The following PTPRM variants were observed in gnomAD, a reference collection of about 807,000 sequenced individuals.
PTPRM encodes the protein receptor-type tyrosine-protein phosphatase mu.
PTPRM carries 47 observed loss-of-function variants against 186.7 expected under a neutral mutation model. That is an observed-to-expected ratio of 0.25 (90% CI 0.20 to 0.32). PTPRM has a LOEUF of 0.32. Among genes scored for constraint, PTPRM ranks in the 10% least tolerant of loss-of-function variants. The pLI, the probability that PTPRM is intolerant of heterozygous loss-of-function variation, is 1.00. For missense variants in PTPRM, 1,494 were observed against 1,865.0 expected (o/e 0.80, Z 3.66); for synonymous variants, 668 against 674.9 (o/e 0.99, Z 0.16).
chr18:7,801,910 A>G (rs965380835), intron 2 of PTPRM, among the ~76,000 whole-genome samples: 21 of 152,252 alleles, frequency 1.4e-4, no homozygotes, highest in Admixed American at 1.3e-3. Flanking sequence ...ACCATTGAAC[A>G]TGAAACCTGG....
chr18:7,602,997 G>C (rs931870573), intron 1 of PTPRM, among the ~76,000 whole-genome samples: 2 of 150,790 alleles, frequency 1.3e-5, no homozygotes, highest in African/African-American at 2.4e-5. Flanking sequence ...TTGTGATCTC[G>C]GCTCGCTACA....
At chr18:8,103,848 T>G (rs1349422134) in intron 11 of PTPRM, among the ~76,000 whole-genome samples, 6 of 152,224 alleles carry the variant, frequency 3.9e-5, no homozygotes, top group Non-Finnish European at 7.3e-5. Context: ...TGCTTAATAA[T>G]TTCCGGCTTT....
At chr18:8,270,960 T>C (rs959916707) in intron 19 of PTPRM, among the ~76,000 whole-genome samples, 3 of 152,132 alleles carry the variant, frequency 2.0e-5, no homozygotes, top group Admixed American at 1.3e-4. Flanking sequence ...ATTATACTTA[T>C]TACATACTTG....
chr18:7,576,003 G>A (rs1041527966), intron 1 of PTPRM, among the ~76,000 whole-genome samples: 2 of 152,290 alleles, frequency 1.3e-5, no homozygotes, highest in Middle Eastern at 3.4e-3. Flanking sequence ...GGGCTAGCAG[G>A]GGTTGGAAAT....
At chr18:8,131,035 T>C (rs923898138) in intron 13 of PTPRM, among the ~76,000 whole-genome samples, 12 of 152,202 alleles carry the variant, frequency 7.9e-5, no homozygotes, top group African/African-American at 2.7e-4. Context: ...TTTGTTGTTG[T>C]TACTCTAATA....
chr18:7,848,379 C>T (rs1204648073), intron 2 of PTPRM, among the ~76,000 whole-genome samples: 1 of 152,256 alleles, frequency 6.6e-6, no homozygotes, highest in Non-Finnish European at 1.5e-5. Flanking sequence ...AAAACTTATG[C>T]AAGAATAGGC....
chr18:7,881,358 C>G (rs925032283), intron 2 of PTPRM, among the ~76,000 whole-genome samples: 1 of 152,140 alleles, frequency 6.6e-6, no homozygotes, highest in Non-Finnish European at 1.5e-5. Flanking sequence ...TCACTTGAAC[C>G]CAGGAGGCAG....
intron 23 of PTPRM, among the ~76,000 whole-genome samples, chr18:8,370,645 G>A (rs1171621617): frequency 1.3e-5 from 2 of 152,144 alleles, no homozygotes; most frequent in African/African-American, 4.8e-5. Context: ...GATGTTTGTG[G>A]TAAAAATACA....
At chr18:7,578,879 G>T (rs534782495) in intron 1 of PTPRM, among the ~76,000 whole-genome samples, 1 of 152,162 alleles carries the variant, frequency 6.6e-6, no homozygotes, top group African/African-American at 2.4e-5. Flanking sequence ...AGAATAAGAC[G>T]GGTCCATCAG....
intron 1 of PTPRM, among the ~76,000 whole-genome samples, chr18:7,718,356 C>A (rs1054681614): frequency 1.3e-5 from 2 of 152,110 alleles, no homozygotes; most frequent in Non-Finnish European, 2.9e-5. Context: ...ACTGGTAAGC[C>A]ACATGTAGAA....
At chr18:8,214,872 A>C (rs2094058285) in intron 14 of PTPRM, among the ~76,000 whole-genome samples, 1 of 152,182 alleles carries the variant, frequency 6.6e-6, no homozygotes, top group Non-Finnish European at 1.5e-5. Flanking sequence ...CATGTTGGCC[A>C]GGCTGGTCTC....
chr18:7,764,231 C>T (rs2041916833), intron 1 of PTPRM, among the ~76,000 whole-genome samples: 1 of 152,104 alleles, frequency 6.6e-6, no homozygotes, highest in South Asian at 2.1e-4. Flanking sequence ...GAATACAGTA[C>T]AACTCATTGA....
At chr18:7,619,156 T>C (rs1203494016) in intron 1 of PTPRM, among the ~76,000 whole-genome samples, 1 of 152,148 alleles carries the variant, frequency 6.6e-6, no homozygotes, top group African/African-American at 2.4e-5. Context: ...CTGATCTCCA[T>C]TGGTGTTTAG....
At chr18:8,271,258 A>C (rs1358976838) in intron 19 of PTPRM, among the ~76,000 whole-genome samples, 2 of 151,920 alleles carry the variant, frequency 1.3e-5, no homozygotes, top group East Asian at 3.8e-4. Context: ...ATACAAAATA[A>C]TTATTTGATT....
intron 14 of PTPRM, among the ~76,000 whole-genome samples, chr18:8,175,452 A>G (rs2093466905): frequency 6.6e-6 from 1 of 152,198 alleles, no homozygotes; most frequent in Admixed American, 6.5e-5. Context: ...GCTTCAGTGT[A>G]TAATTACTTT....
chr18:8,229,823 T>TTA (rs962462745), intron 14 of PTPRM, among the ~76,000 whole-genome samples: 17 of 152,216 alleles, frequency 1.1e-4, no homozygotes, highest in African/African-American at 2.6e-4. Context: ...GTACACATGG[T>TTA]TATATATATA....
intron 2 of PTPRM, among the ~76,000 whole-genome samples, chr18:7,806,101 C>T (rs2044221229): frequency 6.6e-6 from 1 of 152,122 alleles, no homozygotes; most frequent in African/African-American, 2.4e-5. Flanking sequence ...TTGGGCAGGG[C>T]ACTCCCACTG....
intron 1 of PTPRM, among the ~76,000 whole-genome samples, chr18:7,631,665 T>C (rs1370040588): frequency 4.6e-5 from 7 of 152,174 alleles, no homozygotes; most frequent in Non-Finnish European, 8.8e-5. Context: ...AAGAAGTTCA[T>C]CAGCTATTGT....
At chr18:8,076,928 T>C (rs569005667) in intron 9 of PTPRM, among the ~76,000 whole-genome samples, 1 of 152,196 alleles carries the variant, frequency 6.6e-6, no homozygotes, top group Admixed American at 6.5e-5. Flanking sequence ...ATTTTACTAC[T>C]GAATTATAGA....
Sources: allele counts gnomAD v4.1 joint callset (sites outside exome capture counted in the v4.1 genomes callset), GRCh38; gene constraint gnomAD v4.1.1; transcripts MANE v1.5; gene names NCBI Gene and HGNC (gene_info 2026-07-23, HGNC 2026-07-21).